Variants in RAB28 observed in about 807,000 individuals in gnomAD.
RAB28 encodes the protein RAB28, member RAS oncogene family, also known as ras-related protein Rab-28.
Under a neutral mutation model 31.7 loss-of-function variants are expected in RAB28, and 24 were observed. The observed-to-expected ratio is 0.76, with a 90% CI of 0.55 to 1.06. The LOEUF (loss-of-function observed/expected upper bound fraction) is 1.06. Among genes scored for constraint, RAB28 ranks in the 50% least tolerant of loss-of-function variants. RAB28 has a pLI of 0.00. For synonymous variants in RAB28, 100 were observed against 90.4 expected, an observed-to-expected ratio of 1.11 and a Z score of -0.60; for missense variants, 254 against 258.5, an observed-to-expected ratio of 0.98 and a Z score of 0.12.
chr4:13,409,849 G>C (rs1043779017), intron 4 of RAB28, among the ~76,000 whole-genome samples: 3 of 152,130 alleles, frequency 2.0e-5, no homozygotes, highest in Non-Finnish European at 4.4e-5. Flanking sequence ...AAAGAAACAG[G>C]TCCCTGCCTG....
chr4:13,480,736 T>C (rs968643408), intron 1 of RAB28, among the ~76,000 whole-genome samples: 9 of 151,972 alleles, frequency 5.9e-5, no homozygotes, highest in Non-Finnish European at 1.3e-4. Flanking sequence ...CAAGTATTTG[T>C]TGAGCACTAC....
chr4:13,425,848 C>T (rs1180705436), intron 4 of RAB28, among the ~76,000 whole-genome samples: 1 of 152,114 alleles, frequency 6.6e-6, no homozygotes, highest in Non-Finnish European at 1.5e-5. Context: ...TATGACAGTA[C>T]AGCAATCACA....
chr4:13,394,575 A>G (rs1054973026), intron 4 of RAB28, among the ~76,000 whole-genome samples: 4 of 152,184 alleles, frequency 2.6e-5, no homozygotes, highest in African/African-American at 9.7e-5. Context: ...AGAATAAACC[A>G]AACAAATTAA....
intron 4 of RAB28, among the ~76,000 whole-genome samples, chr4:13,393,811 A>G (rs954041400): frequency 3.9e-4 from 59 of 150,784 alleles, no homozygotes; most frequent in African/African-American, 1.4e-3. Flanking sequence ...TAATCAACCT[A>G]AAGTTTATTC....
chr4:13,465,114 GA>G (rs1261060374), intron 3 of RAB28, among the ~76,000 whole-genome samples: 1 of 151,678 alleles, frequency 6.6e-6, no homozygotes, highest in Non-Finnish European at 1.5e-5. Context: ...AATGCAAAAA[GA>G]AAAAAACAAC....
intron 1 of RAB28, among the ~76,000 whole-genome samples, chr4:13,482,773 CAAGA>C (rs1263345124): frequency 6.6e-6 from 1 of 152,024 alleles, no homozygotes; most frequent in Non-Finnish European, 1.5e-5. Context: ...TCCAAGAAGA[CAAGA>C]AAGAAACAAA....
At chr4:13,379,621 C>T (rs1381165222) in intron 5 of RAB28, among the ~76,000 whole-genome samples, 2 of 152,060 alleles carry the variant, frequency 1.3e-5, no homozygotes, top group African/African-American at 4.8e-5. Context: ...TGTGTTAGGA[C>T]ACTCAAAGGT....
rs1169975975 is a variant in RAB28, at chr4:13,371,867, C to T, written c.574-3217G>A. ...GATGAAATGAAAATAATGAAATGGCCCTAAGAGGAAAAGAGTTATATGGGT... is the reference window on the plus strand; with the variant it reads ...GATGAAATGAAAATAATGAAATGGCTCTAAGAGGAAAAGAGTTATATGGGT... On this transcript the variant is annotated intron_variant, in intron 6 of 6. Coordinates refer to ENST00000330852, the MANE Select transcript of RAB28 (RefSeq NM_001017979.3). 3.2e-6 allele frequency: 5 copies of T among 1,540,946 alleles called. No individual in the cohort carries two copies. The African/African-American group carries it at 4.1e-5, about 13-fold the overall frequency.
chr4:13,475,738 T>C (rs143901830), intron 2 of RAB28, among the ~76,000 whole-genome samples: 2 of 151,686 alleles, frequency 1.3e-5, no homozygotes, highest in African/African-American at 2.4e-5. Context: ...GACTAAAATG[T>C]TCTTAAAGCC....
intron 4 of RAB28, among the ~76,000 whole-genome samples, chr4:13,452,397 G>A (rs1050531413): frequency 6.6e-6 from 1 of 151,730 alleles, no homozygotes; most frequent in African/African-American, 2.4e-5. Flanking sequence ...TTTTGATGCA[G>A]GCATTTATTG....
chr4:13,435,531 G>A (rs1303487709), intron 4 of RAB28, among the ~76,000 whole-genome samples: 4 of 152,118 alleles, frequency 2.6e-5, no homozygotes, highest in Non-Finnish European at 4.4e-5. Flanking sequence ...AATCAGAAAT[G>A]CCAAAGGTAA....
chr4:13,379,393 G>C (rs1729046128), intron 5 of RAB28, among the ~76,000 whole-genome samples: 1 of 152,040 alleles, frequency 6.6e-6, no homozygotes, highest in Non-Finnish European at 1.5e-5. Context: ...CCATGAAAAA[G>C]TGGAGACTTG....
At chr4:13,444,764 A>G (rs747095598) in intron 4 of RAB28, among the ~76,000 whole-genome samples, 4 of 152,280 alleles carry the variant, frequency 2.6e-5, no homozygotes, top group Middle Eastern at 3.4e-3. Flanking sequence ...TAATCTTTAG[A>G]CCTCATCTCT....
At chr4:13,401,539 ATTG>A (rs1198725175) in intron 4 of RAB28, among the ~76,000 whole-genome samples, 2 of 152,160 alleles carry the variant, frequency 1.3e-5, no homozygotes, top group African/African-American at 2.4e-5. Flanking sequence ...TTTAAAAAAA[ATTG>A]TTAAGGAATT....
chr4:13,463,901 A>T (rs1265485354), intron 3 of RAB28, among the ~76,000 whole-genome samples: 1 of 152,098 alleles, frequency 6.6e-6, no homozygotes, highest in Non-Finnish European at 1.5e-5. Context: ...AAAAAAAACC[A>T]TGAAAGTCAT....
Position 13,368,151 on chromosome 4 carries a change from A to AC in RAB28, c.*406dup. On this transcript the variant is annotated 3_prime_UTR_variant, in exon 7 of 7. Coordinates refer to ENST00000330852, the MANE Select transcript of RAB28 (RefSeq NM_001017979.3). The stretch of plus-strand genomic sequence containing the variant: ...GCTTAATGTTTGCACTCTGAAGTAT[A>AC]CTTTGACACATACAAGTTCCGATAA... 6 of 986,538 alleles carry AC rather than the reference A, an allele frequency of 6.1e-6. No individual in the cohort carries two copies. Among genetic ancestry groups the AC allele is most frequent in the Non-Finnish European group, 6.0e-6 (5 of 830,598 alleles). The allele number at this position is 986,538 out of a possible 1,614,324, so 61.1% of individuals were successfully genotyped here.
chr4:13,435,392 T>A (rs1053761554), intron 4 of RAB28, among the ~76,000 whole-genome samples: 2 of 151,398 alleles, frequency 1.3e-5, no homozygotes, highest in African/African-American at 2.4e-5. Context: ...CATAACTAAA[T>A]GGAATTGAGA....
intron 4 of RAB28, among the ~76,000 whole-genome samples, chr4:13,408,755 T>G (rs1712250413): frequency 6.6e-6 from 1 of 152,142 alleles, no homozygotes; most frequent in South Asian, 2.1e-4. Context: ...TTTCTAAATT[T>G]TATAAATTGA....
intron 4 of RAB28, among the ~76,000 whole-genome samples, chr4:13,410,576 T>A (rs979634648): frequency 4.6e-5 from 7 of 152,130 alleles, no homozygotes; most frequent in African/African-American, 1.7e-4. Context: ...ACCTTGGTAA[T>A]AAATTTTAAA....
Sources: allele counts gnomAD v4.1 joint callset (sites outside exome capture counted in the v4.1 genomes callset), GRCh38; gene constraint gnomAD v4.1.1; transcripts MANE v1.5; gene names NCBI Gene and HGNC (gene_info 2026-07-23, HGNC 2026-07-21).